The following JAM3 variants were observed in gnomAD, a reference collection of about 807,000 sequenced individuals.
The protein encoded by JAM3 is junctional adhesion molecule 3.
In JAM3, 31 loss-of-function variants were observed where a neutral mutation model predicts 39.4. The ratio of observed to expected loss-of-function variants is 0.79; its 90% CI spans 0.59 to 1.06. The LOEUF (loss-of-function observed/expected upper bound fraction) is 1.06, where lower values mean the gene tolerates loss of function less well. Ranked by LOEUF, JAM3 falls within the 50% of genes least tolerant of loss-of-function variation. The probability of loss-of-function intolerance (pLI) is 0.00; values close to 1 mark genes in which losing one functional copy is unlikely to be tolerated. For missense variants in JAM3, 455 were observed against 391.4 expected, an observed-to-expected ratio of 1.16 and a Z score of -1.37; for synonymous variants, 182 against 148.7, an observed-to-expected ratio of 1.22 and a Z score of -1.63.
chr11:134,078,396 A>T (rs1941608207), intron 1 of JAM3, among the ~76,000 whole-genome samples: 1 of 152,184 alleles, frequency 6.6e-6, no homozygotes, highest in Non-Finnish European at 1.5e-5. Context: ...CTGGGATTAC[A>T]GGTGTGAGCC....
chr11:134,115,353 A>G (rs1942407022), intron 1 of JAM3, among the ~76,000 whole-genome samples: 2 of 152,062 alleles, frequency 1.3e-5, no homozygotes, highest in South Asian at 2.1e-4. Context: ...GACTATTTAC[A>G]TTGCGTTTAC....
At chr11:134,096,696 C>T (rs1422562810) in intron 1 of JAM3, among the ~76,000 whole-genome samples, 1 of 152,122 alleles carries the variant, frequency 6.6e-6, no homozygotes, top group Non-Finnish European at 1.5e-5. Flanking sequence ...TTTCTTTTGA[C>T]GTTTCCAGCT....
At chr11:134,098,886 C>T (rs1942028658) in intron 1 of JAM3, among the ~76,000 whole-genome samples, 1 of 152,096 alleles carries the variant, frequency 6.6e-6, no homozygotes, top group Non-Finnish European at 1.5e-5. Context: ...TTACACCAGT[C>T]TCCAGAAAGC....
chr11:134,141,022 C>T (rs193171318), intron 3 of JAM3, among the ~76,000 whole-genome samples: 1 of 152,168 alleles, frequency 6.6e-6, no homozygotes, highest in African/African-American at 2.4e-5. Context: ...TCTTAATCTG[C>T]TCACAGCCCC....
At chr11:134,143,786 T>G (rs1198345443) in intron 3 of JAM3, among the ~76,000 whole-genome samples, 1 of 152,256 alleles carries the variant, frequency 6.6e-6, no homozygotes, top group Non-Finnish European at 1.5e-5. Context: ...TGCATTTTTC[T>G]AAGAGTTTTA....
intron 1 of JAM3, among the ~76,000 whole-genome samples, chr11:134,108,406 A>G (rs1362104154): frequency 6.6e-6 from 1 of 152,216 alleles, no homozygotes. Context: ...ACAAAGTGAA[A>G]AGAAAGAATT....
chr11:134,123,382 C>A (rs589131), intron 1 of JAM3, among the ~76,000 whole-genome samples: 1 of 151,220 alleles, frequency 6.6e-6, no homozygotes. Flanking sequence ...CCACCACCCC[C>A]CCCCCCCCAA....
intron 1 of JAM3, among the ~76,000 whole-genome samples, chr11:134,110,058 C>G (rs1373811468): frequency 6.6e-6 from 1 of 152,122 alleles, no homozygotes; most frequent in African/African-American, 2.4e-5. Context: ...ATACAAGATG[C>G]TTAACCTAAT....
In JAM3 at chr11:134,113,386, C is replaced by G. The variant is rs180932656; in HGVS notation, c.77-26465C>G. On this transcript the variant is annotated intron_variant, in intron 1 of 8. Coordinates refer to ENST00000299106, the MANE Select transcript of JAM3 (RefSeq NM_032801.5). ...GGCCCTGGTGTGTGATGTTCCCCTTCCTGTGTCCAAGTGTTCTCATTGTTC... is the reference window on the plus strand; with the variant it reads ...GGCCCTGGTGTGTGATGTTCCCCTTGCTGTGTCCAAGTGTTCTCATTGTTC... 7.3e-3 allele frequency among the ~76,000 whole-genome samples: 1,107 copies of G among 152,228 alleles called. 9 individuals are homozygous for G. The highest frequency in any genetic ancestry group is 0.025 in the African/African-American group (1,040 of 41,516).
chr11:134,141,704 G>A (rs1384538033), intron 3 of JAM3, among the ~76,000 whole-genome samples: 1 of 152,088 alleles, frequency 6.6e-6, no homozygotes, highest in African/African-American at 2.4e-5. Flanking sequence ...CCAAGCTGGG[G>A]TGCAGGCAGG....
chr11:134,116,620 C>T (rs999501098), intron 1 of JAM3, among the ~76,000 whole-genome samples: 8 of 151,828 alleles, frequency 5.3e-5, no homozygotes, highest in African/African-American at 1.9e-4. Flanking sequence ...TTGTATTTTC[C>T]CTGTCCTAGA....
chr11:134,105,744 C>T (rs866342055), intron 1 of JAM3, among the ~76,000 whole-genome samples: 3 of 152,204 alleles, frequency 2.0e-5, no homozygotes, highest in East Asian at 1.9e-4. Flanking sequence ...AACTCCCATT[C>T]GCAATTGCTT....
At chr11:134,128,501 G>T (rs138807530) in intron 1 of JAM3, among the ~76,000 whole-genome samples, 67 of 152,224 alleles carry the variant, frequency 4.4e-4, no homozygotes, top group Admixed American at 7.8e-4. Context: ...ATGTGTCAAG[G>T]AGGGGGCCCT....
Position 134,070,099 on chromosome 11 carries a change from G to A in JAM3, c.76+940G>A. The A allele has an allele frequency of 8.8e-6, 4 of 455,056 alleles. 1 individual carries two copies. The highest frequency in any genetic ancestry group is 6.2e-5 in the South Asian group (4 of 64,404). 28.2% of individuals were successfully genotyped at this position (455,056 alleles called of 1,614,324 possible). On this transcript the variant is annotated intron_variant, in intron 1 of 8. Transcript: ENST00000299106. ...TTAGTGAGCTTGTACTGTCTACTAGGCACTTTGGAGCCATTATCTCGTTTA... is the reference window on the plus strand; with the variant it reads ...TTAGTGAGCTTGTACTGTCTACTAGACACTTTGGAGCCATTATCTCGTTTA...
At chr11:134,124,265 G>A (rs1942596070) in intron 1 of JAM3, 1 of 1,021,622 alleles carries the variant, frequency 9.8e-7, no homozygotes, top group Non-Finnish European at 1.6e-6. Flanking sequence ...CACTGGTAGG[G>A]TTGTGAGTTA....
In JAM3 at chr11:134,069,260, C is replaced by A; in HGVS notation, c.76+101C>A. 6 of 1,483,224 alleles carry A rather than the reference C, an allele frequency of 4.0e-6. No homozygotes were observed. The Admixed American group carries it at 9.9e-5, about 25-fold the overall frequency. 91.9% of individuals were successfully genotyped at this position (1,483,224 alleles called of 1,614,324 possible). ...AGCCGGTCCGGGCGAGGATAGCGGT[C>A]CTGGCTCCGAGGGCTCCCGGGGTCC... On this transcript the variant is annotated intron_variant, in intron 1 of 8. Transcript: ENST00000299106.
intron 1 of JAM3, among the ~76,000 whole-genome samples, chr11:134,077,285 T>C (rs1941585228): frequency 6.6e-6 from 1 of 152,210 alleles, no homozygotes; most frequent in Non-Finnish European, 1.5e-5. Flanking sequence ...TATCTGTTTA[T>C]GTCTTGCCCA....
At chr11:134,092,938 T>C (rs564511774) in intron 1 of JAM3, among the ~76,000 whole-genome samples, 60 of 149,912 alleles carry the variant, frequency 4.0e-4, no homozygotes, top group African/African-American at 1.4e-3. Context: ...ATTCATCATG[T>C]TCCATCTTAC....
chr11:134,140,516 A>G, intron 2 of JAM3, 141 bp from the exon 3 acceptor site: 1 of 704,292 alleles, frequency 1.4e-6, no homozygotes, highest in Non-Finnish European at 2.5e-6. Flanking sequence ...TCCTTTCTCA[A>G]AGTCTCTTGG....
Sources: allele counts gnomAD v4.1 joint callset (sites outside exome capture counted in the v4.1 genomes callset), GRCh38; gene constraint gnomAD v4.1.1; transcripts MANE v1.5; gene names NCBI Gene and HGNC (gene_info 2026-07-23, HGNC 2026-07-21).